SLCO6A1: variants seen among roughly 807,000 people sequenced by gnomAD.
The protein encoded by SLCO6A1 is solute carrier organic anion transporter family member 6A1, also known as cancer/testis antigen 48.
SLCO6A1 carries 65 observed loss-of-function variants against 72.7 expected under a neutral mutation model. The ratio of observed to expected loss-of-function variants is 0.89; its 90% CI spans 0.73 to 1.10. SLCO6A1 has a LOEUF of 1.10. SLCO6A1 is among the 50% of genes least tolerant of loss of function. The pLI is 0.00. For synonymous variants in SLCO6A1, 314 were observed against 298.2 expected (o/e 1.05, Z -0.55); for missense variants, 874 against 872.6 (o/e 1.00, Z -0.02).
intron 8 of SLCO6A1, among the ~76,000 whole-genome samples, chr5:102,416,524 C>T (rs976292561): frequency 6.6e-6 from 1 of 152,000 alleles, no homozygotes; most frequent in African/African-American, 2.4e-5. Context: ...GGAGCTAAAA[C>T]TTGTGTACCC....
chr5:102,459,878 GGTT>G, intron 4 of SLCO6A1, 101 bp from the exon 5 acceptor site: 3 of 961,688 alleles, frequency 3.1e-6, no homozygotes, highest in Non-Finnish European at 4.4e-6. Flanking sequence ...AGAGAGGGAG[GGTT>G]GGAGAGTGAG....
chr5:102,469,556 G>C (rs1206541910), intron 4 of SLCO6A1, among the ~76,000 whole-genome samples: 2 of 152,096 alleles, frequency 1.3e-5, no homozygotes, highest in African/African-American at 4.8e-5. Context: ...AGGAGATTTT[G>C]GGCTGAGACG....
intron 2 of SLCO6A1, among the ~76,000 whole-genome samples, chr5:102,479,257 G>T (rs1752063858): frequency 6.6e-6 from 1 of 152,130 alleles, no homozygotes; most frequent in Non-Finnish European, 1.5e-5. Context: ...ACAATGTGAA[G>T]ATAGGCTTGC....
chr5:102,441,750 G>GT (rs1415392285), intron 6 of SLCO6A1, among the ~76,000 whole-genome samples: 1 of 151,450 alleles, frequency 6.6e-6, no homozygotes, highest in Non-Finnish European at 1.5e-5. Context: ...TTTTCATGAA[G>GT]TTTTTTTAGC....
chr5:102,441,812 TAC>T (rs1170984725), intron 6 of SLCO6A1, among the ~76,000 whole-genome samples: 2 of 151,890 alleles, frequency 1.3e-5, no homozygotes, highest in African/African-American at 4.8e-5. Flanking sequence ...CTTTTTACTT[TAC>T]TTTTACTTTA....
chr5:102,424,424 A>C (rs1748779702), intron 7 of SLCO6A1, among the ~76,000 whole-genome samples: 1 of 152,200 alleles, frequency 6.6e-6, no homozygotes, highest in South Asian at 2.1e-4. Flanking sequence ...ACACAATAAA[A>C]AATAATAAAA....
chr5:102,478,932 A>G (rs1337585189), intron 2 of SLCO6A1, among the ~76,000 whole-genome samples: 2 of 152,226 alleles, frequency 1.3e-5, no homozygotes, highest in Non-Finnish European at 2.9e-5. Context: ...TCAATTTTAT[A>G]CAGACATATT....
rs563341846 is a variant in SLCO6A1, at chr5:102,388,318, T to C, written c.2017+370A>G. Reference sequence around the variant, plus strand: ...GTTTCTAAAATTTTTACTATATAACTAGATAATCCTTTTATTATTTTTTTA... The same window carrying C: ...GTTTCTAAAATTTTTACTATATAACCAGATAATCCTTTTATTATTTTTTTA... On this transcript the variant is annotated intron_variant, in intron 12 of 13. Transcript: ENST00000506729. Among the ~76,000 whole-genome samples the C allele has an allele frequency of 3.3e-5, 5 of 152,160 alleles. No individual in the cohort carries two copies. In the East Asian group the frequency reaches 9.7e-4, roughly 29 times the overall value.
chr5:102,451,666 T>C (rs534548794), intron 6 of SLCO6A1, among the ~76,000 whole-genome samples: 3 of 152,286 alleles, frequency 2.0e-5, no homozygotes, highest in African/African-American at 7.2e-5. Context: ...CTGTTTCCCC[T>C]CCGTGGGGAG....
chr5:102,463,755 G>A (rs1418463076), intron 4 of SLCO6A1, among the ~76,000 whole-genome samples: 2 of 152,010 alleles, frequency 1.3e-5, no homozygotes, highest in African/African-American at 2.4e-5. Context: ...GCGTGATGGC[G>A]CATGCCTGTA....
intron 4 of SLCO6A1, among the ~76,000 whole-genome samples, chr5:102,466,067 G>A (rs1335972029): frequency 6.6e-6 from 1 of 151,976 alleles, no homozygotes. Context: ...AGGATGTGGA[G>A]GTTTGTTAAA....
chr5:102,384,699 T>G (rs531098772), intron 12 of SLCO6A1, among the ~76,000 whole-genome samples: 1 of 152,250 alleles, frequency 6.6e-6, no homozygotes, highest in Non-Finnish European at 1.5e-5. Flanking sequence ...TTTCATACTT[T>G]TGTTGAGTTG....
At chr5:102,414,602 G>T (rs756163539) in intron 8 of SLCO6A1, among the ~76,000 whole-genome samples, 7 of 152,124 alleles carry the variant, frequency 4.6e-5, no homozygotes, top group Non-Finnish European at 1.0e-4. Context: ...ATCTAGCTGA[G>T]AACAAGCCAG....
At chr5:102,496,546 A>G (rs1752919084) in intron 1 of SLCO6A1, among the ~76,000 whole-genome samples, 1 of 152,156 alleles carries the variant, frequency 6.6e-6, no homozygotes, top group Non-Finnish European at 1.5e-5. Context: ...AGGGGATTAC[A>G]CTAAACTAGA....
chr5:102,392,869 A>G (rs1330168291), intron 10 of SLCO6A1, among the ~76,000 whole-genome samples: 1 of 152,080 alleles, frequency 6.6e-6, no homozygotes, highest in Non-Finnish European at 1.5e-5. Context: ...CTTATAAGAC[A>G]TCGGTTCTAA....
chr5:102,410,864 T>A (rs1225795065), intron 9 of SLCO6A1, among the ~76,000 whole-genome samples: 9 of 152,122 alleles, frequency 5.9e-5, no homozygotes, highest in Non-Finnish European at 1.2e-4. Context: ...AACAAAAGCA[T>A]ACAAGTTAGG....
intron 9 of SLCO6A1, among the ~76,000 whole-genome samples, chr5:102,412,747 T>A (rs186231970): frequency 6.6e-6 from 1 of 150,748 alleles, no homozygotes; most frequent in African/African-American, 2.4e-5. Flanking sequence ...GGTGACAGAG[T>A]CAGATCTTGT....
intron 4 of SLCO6A1, among the ~76,000 whole-genome samples, chr5:102,470,632 G>A (rs1751561090): frequency 6.6e-6 from 1 of 151,910 alleles, no homozygotes; most frequent in African/African-American, 2.4e-5. Context: ...ATTTTTTGAA[G>A]GGTTTTTTGT....
At chr5:102,450,484 T>C (rs920775852) in intron 6 of SLCO6A1, among the ~76,000 whole-genome samples, 4 of 152,240 alleles carry the variant, frequency 2.6e-5, no homozygotes, top group African/African-American at 9.6e-5. Flanking sequence ...TGCTCAGCCA[T>C]GCAGCACCTC....
Sources: allele counts gnomAD v4.1 joint callset (sites outside exome capture counted in the v4.1 genomes callset), GRCh38; gene constraint gnomAD v4.1.1; transcripts MANE v1.5; gene names NCBI Gene and HGNC (gene_info 2026-07-23, HGNC 2026-07-21).